The following RELN variants were observed in gnomAD, a reference collection of about 807,000 sequenced individuals.
RELN encodes the protein reelin.
RELN carries 108 observed loss-of-function variants against 427.6 expected under a neutral mutation model. The ratio of observed to expected loss-of-function variants is 0.25; its 90% confidence interval spans 0.22 to 0.30. The LOEUF (loss-of-function observed/expected upper bound fraction) is 0.30, where lower values mean the gene tolerates loss of function less well. Ranked by LOEUF, RELN falls within the 10% of genes least tolerant of loss-of-function variation. The pLI is 1.00. For missense variants in RELN, 3,715 were observed against 4,302.8 expected (o/e 0.86, Z 3.82); for synonymous variants, 1,524 against 1,513.4 (o/e 1.01, Z -0.16).
intron 6 of RELN, among the ~76,000 whole-genome samples, chr7:103,740,866 G>A (rs1343747323): frequency 6.6e-6 from 1 of 151,074 alleles, no homozygotes; most frequent in Non-Finnish European, 1.5e-5. Flanking sequence ...AATCCCAGGG[G>A]GAAAATATGC....
Position 103,904,258 on chromosome 7 carries a change from A to G in RELN, c.337+12817T>C, listed in dbSNP as rs577441585. 7.2e-5 allele frequency among the ~76,000 whole-genome samples: 11 copies of G among 152,204 alleles called. No homozygotes were observed. In the South Asian group the frequency reaches 2.1e-3, roughly 29 times the overall value. ...ATTTTCCTTATCTAGTCTATCACTG[A>G]TGGGCATTTGGGCTGGTTCCATGTC... On this transcript the variant is annotated intron_variant, in intron 2 of 64. Coordinates refer to ENST00000428762, the MANE Select transcript of RELN (RefSeq NM_005045.4).
intron 19 of RELN, 54 bp downstream of exon 19, chr7:103,635,371 C>G: frequency 1.3e-6 from 2 of 1,570,024 alleles, no homozygotes; most frequent in Non-Finnish European, 1.8e-6. Flanking sequence ...ATTATGATTT[C>G]CCCAGGAGAA....
chr7:103,568,029 T>C (rs1830799863), intron 31 of RELN, among the ~76,000 whole-genome samples: 1 of 152,138 alleles, frequency 6.6e-6, no homozygotes, highest in South Asian at 2.1e-4. Context: ...ACTCCTGGGC[T>C]CAAGCGATCT....
chr7:103,684,085 TAGTGAAACC>T (rs1384800265), intron 10 of RELN, among the ~76,000 whole-genome samples: 1 of 152,186 alleles, frequency 6.6e-6, no homozygotes, highest in East Asian at 1.9e-4. Context: ...GGGATGGTCT[TAGTGAAACC>T]AGTGAATTCC....
At chr7:103,963,730 A>G (rs7784722) in intron 1 of RELN, among the ~76,000 whole-genome samples, 81,812 of 152,014 alleles carry the variant, frequency 0.54, 22,376 homozygotes, top group African/African-American at 0.64. Flanking sequence ...CAGAAAGGAA[A>G]GAAAAAAATA....
intron 46 of RELN, among the ~76,000 whole-genome samples, chr7:103,523,905 G>A (rs939812287): frequency 6.6e-6 from 1 of 152,102 alleles, no homozygotes; most frequent in African/African-American, 2.4e-5. Flanking sequence ...TTGAACTCCT[G>A]ACCTAAAGTG....
intron 2 of RELN, among the ~76,000 whole-genome samples, chr7:103,860,705 C>A (rs778949198): frequency 6.6e-4 from 100 of 152,044 alleles, no homozygotes; most frequent in Non-Finnish European, 1.3e-3. Context: ...GCCACCGCAC[C>A]CGGCCCCAAT....
chr7:103,895,005 C>A (rs531143512), intron 2 of RELN, among the ~76,000 whole-genome samples: 1 of 152,174 alleles, frequency 6.6e-6, no homozygotes, highest in East Asian at 1.9e-4. Context: ...TTTTATTTGA[C>A]AGGAGAACTT....
intron 4 of RELN, among the ~76,000 whole-genome samples, chr7:103,768,724 G>T (rs2116166696): frequency 6.6e-6 from 1 of 152,258 alleles, no homozygotes; most frequent in Non-Finnish European, 1.5e-5. Flanking sequence ...CGCTCAGTTG[G>T]GGGAAATGAG....
chr7:103,848,585 C>T (rs1004611497), intron 2 of RELN, among the ~76,000 whole-genome samples: 3 of 152,112 alleles, frequency 2.0e-5, no homozygotes, highest in Admixed American at 6.6e-5. Flanking sequence ...TACTGGGTCC[C>T]CAGGTCACAT....
intron 1 of RELN, among the ~76,000 whole-genome samples, chr7:103,927,376 C>A (rs1004182514): frequency 6.6e-6 from 1 of 152,054 alleles, no homozygotes; most frequent in Non-Finnish European, 1.5e-5. Context: ...TTGCTGACAT[C>A]GAAATTCACA....
At chr7:103,961,606 C>T (rs557063669) in intron 1 of RELN, among the ~76,000 whole-genome samples, 4 of 152,204 alleles carry the variant, frequency 2.6e-5, no homozygotes, top group Admixed American at 2.6e-4. Flanking sequence ...TTTTGCTTTG[C>T]TTTAGAAGAC....
intron 25 of RELN, among the ~76,000 whole-genome samples, chr7:103,595,499 C>G (rs190374389): frequency 8.7e-4 from 132 of 152,244 alleles, no homozygotes; most frequent in African/African-American, 3.1e-3. Context: ...TGACCTAATA[C>G]TTTAAAAAGT....
intron 7 of RELN, among the ~76,000 whole-genome samples, chr7:103,724,872 T>C (rs943185533): frequency 1.3e-5 from 2 of 151,960 alleles, no homozygotes; most frequent in African/African-American, 4.8e-5. Flanking sequence ...CCTATATTTA[T>C]ACTTGAGTAT....
intron 2 of RELN, among the ~76,000 whole-genome samples, chr7:103,909,688 AATAT>A (rs1172480876): frequency 1.6e-4 from 11 of 67,392 alleles, no homozygotes; most frequent in Admixed American, 1.1e-3. Context: ...ATATTTAATA[AATAT>A]ATATATTTAA....
chr7:103,742,930 C>T (rs1291492940), intron 6 of RELN, among the ~76,000 whole-genome samples: 4 of 151,832 alleles, frequency 2.6e-5, no homozygotes, highest in East Asian at 1.9e-4. Flanking sequence ...AGATACTCCT[C>T]GAGAAGAGCA....
chr7:103,862,190 A>G (rs1794085521), intron 2 of RELN, among the ~76,000 whole-genome samples: 1 of 152,188 alleles, frequency 6.6e-6, no homozygotes, highest in African/African-American at 2.4e-5. Context: ...TTATTCAGGT[A>G]GTACAGAATG....
intron 10 of RELN, among the ~76,000 whole-genome samples, chr7:103,683,622 T>C (rs1230266625): frequency 3.9e-5 from 6 of 152,202 alleles, no homozygotes; most frequent in African/African-American, 9.6e-5. Flanking sequence ...TTGGTGTAAA[T>C]AGACCTACTG....
chr7:103,817,955 A>G (rs1792918475), intron 3 of RELN, among the ~76,000 whole-genome samples: 4 of 150,658 alleles, frequency 2.7e-5, no homozygotes, highest in African/African-American at 2.4e-5. Flanking sequence ...AAAAAAAAAA[A>G]AAAAAAGAAA....
Sources: gnomAD v4.1 joint callset for allele counts (sites outside exome capture counted in the v4.1 genomes callset) on GRCh38, gnomAD v4.1.1 for gene constraint, MANE v1.5 for transcripts, NCBI Gene and HGNC (gene_info 2026-07-23, HGNC 2026-07-21) for gene names.